Variants in ZNF541 observed in about 807,000 individuals in gnomAD.
ZNF541 encodes zinc finger protein 541.
ZNF541 carries 23 observed loss-of-function variants against 123.5 expected under a neutral mutation model. That is an observed-to-expected ratio of 0.19 (90% CI 0.13 to 0.26). The LOEUF (loss-of-function observed/expected upper bound fraction) is 0.26. Among genes scored for constraint, ZNF541 ranks in the 10% least tolerant of loss-of-function variants. The pLI is 1.00. For missense variants in ZNF541, 1,612 were observed against 1,789.9 expected, an observed-to-expected ratio of 0.90 and a Z score of 1.79; for synonymous variants, 751 against 754.5, an observed-to-expected ratio of 1.00 and a Z score of 0.08.
At position 47,532,842 on chromosome 19, in the gene ZNF541, T is replaced by C. The variant is rs528513135; in HGVS notation, c.3158+67A>G. The C allele has an allele frequency of 8.5e-5, 126 of 1,490,388 alleles. No individual in the cohort carries two copies. In the Admixed American group the frequency reaches 9.9e-4, roughly 12 times the overall value. The allele number at this position is 1,490,388 out of a possible 1,614,324, so 92.3% of individuals were successfully genotyped here. On this transcript the variant is annotated intron_variant, in intron 10 of 16. Transcript: ENST00000391901. ...ACCCCACCATGGGAAGAAGGAACCCTTGGGAAAAGTGACACTAGAACTCAA... is the reference window on the plus strand; with the variant it reads ...ACCCCACCATGGGAAGAAGGAACCCCTGGGAAAAGTGACACTAGAACTCAA...
At chr19:47,547,893 A>T (rs1032905766) in intron 4 of ZNF541, among the ~76,000 whole-genome samples, 1 of 151,856 alleles carries the variant, frequency 6.6e-6, no homozygotes, top group Non-Finnish European at 1.5e-5. Context: ...TACAAAAATT[A>T]GCCAGGCATG....
At position 47,521,935 on chromosome 19, in the gene ZNF541, G is replaced by C. The variant is rs1157737465; in HGVS notation, c.3630C>G (p.Ile1210Met). The change falls in exon 15 of 17, where the codon ATC becomes ATG. Residue 1210 changes from isoleucine (I) to methionine (M), a missense_variant. Coordinates refer to ENST00000391901, the MANE Select transcript of ZNF541 (RefSeq NM_001277075.3). The surrounding 1 kb of genome is among the most constrained non-coding windows in gnomAD (Gnocchi z 4.2). Reference sequence around the variant, plus strand: ...CTGGGGCTCGGCCACAGTCAAACTTGATCATTTTTTTCCAGATGTAATAAT... The same window carrying C: ...CTGGGGCTCGGCCACAGTCAAACTTCATCATTTTTTTCCAGATGTAATAAT... Reference protein sequence around the residue: ...VEYYYIWKKMIKFDCGRAPGL... With the variant: ...VEYYYIWKKMMKFDCGRAPGL... 2.6e-6 allele frequency: 4 copies of C among 1,551,730 alleles called. No homozygotes were observed. The Admixed American group carries it at 7.8e-5, about 30-fold the overall frequency.
chr19:47,551,644 T>C (rs547759282), intron 3 of ZNF541, among the ~76,000 whole-genome samples: 7 of 152,118 alleles, frequency 4.6e-5, no homozygotes, highest in Admixed American at 1.3e-4. Flanking sequence ...TCTCAAGTGA[T>C]CCTCCCACCT....
Position 47,529,648 on chromosome 19 carries a change from G to A in ZNF541, c.3410C>T (p.Ala1137Val). 1 of 1,551,620 alleles carries A rather than the reference G, an allele frequency of 6.4e-7. No individual in the cohort carries two copies. Among genetic ancestry groups the A allele is most frequent in the Non-Finnish European group, 8.7e-7 (1 of 1,146,948 alleles). The change falls in exon 13 of 17, where the codon GCC (alanine) becomes GTC (valine). Residue 1137 changes from alanine (A) to valine (V), a missense_variant. Transcript: ENST00000391901. ...LHEAQGNVQV[A>V]LETLLLRGPH... ...CCCTCGGAGCAGAAGAGTCTCCAGGGCGACCTGGAACAAGAGGAGCGACAG... is the reference window on the plus strand; with the variant it reads ...CCCTCGGAGCAGAAGAGTCTCCAGGACGACCTGGAACAAGAGGAGCGACAG...
intron 7 of ZNF541, 123 bp from the exon 8 acceptor site, chr19:47,540,001 G>C: frequency 6.9e-7 from 1 of 1,448,722 alleles, no homozygotes; most frequent in Non-Finnish European, 9.1e-7. Flanking sequence ...GACCAAGCTG[G>C]AGAGCTGCTG....
chr19:47,537,971 TAG>T (rs960266972), intron 9 of ZNF541, among the ~76,000 whole-genome samples, 169 bp downstream of exon 9: 5 of 152,188 alleles, frequency 3.3e-5, no homozygotes, highest in African/African-American at 1.2e-4. Flanking sequence ...TTCTATGCAC[TAG>T]AAGGCACTTA....
chr19:47,560,927 C>T lies in ZNF541; in HGVS notation c.-98-4973G>A, dbSNP rs532902390. Among the ~76,000 whole-genome samples, 7 of 152,162 alleles carry T rather than the reference C, an allele frequency of 4.6e-5. No individual in the cohort carries two copies. In the South Asian group the frequency reaches 1.2e-3, roughly 27 times the overall value. Reference sequence around the variant, plus strand: ...CAAACCACACAATGACATGGAGGAACCTTAAATGCACATTGCTAAGTGAAG... The same window carrying T: ...CAAACCACACAATGACATGGAGGAATCTTAAATGCACATTGCTAAGTGAAG... On this transcript the variant is annotated intron_variant, in intron 2 of 16. Coordinates refer to ENST00000391901, the MANE Select transcript of ZNF541 (RefSeq NM_001277075.3).
intron 4 of ZNF541, among the ~76,000 whole-genome samples, chr19:47,548,454 A>G (rs982815992): frequency 1.4e-5 from 2 of 139,012 alleles, no homozygotes; most frequent in Admixed American, 6.8e-5. Flanking sequence ...AAAAAAAAAA[A>G]AAAAAAAGAA....
chr19:47,524,522 A>G (rs903371590), intron 14 of ZNF541, among the ~76,000 whole-genome samples: 12 of 152,216 alleles, frequency 7.9e-5, no homozygotes, highest in African/African-American at 2.4e-4. Flanking sequence ...CCTGGCCAAC[A>G]TGGGGAAACC....
At chr19:47,528,835 G>A in intron 14 of ZNF541, 115 bp downstream of exon 14, 1 of 721,288 alleles carries the variant, frequency 1.4e-6, no homozygotes, top group Non-Finnish European at 2.4e-6. Flanking sequence ...TACAGTAAGA[G>A]TGCTGCCACA....
At position 47,538,256 on chromosome 19, in the gene ZNF541, A is replaced by G; in HGVS notation, c.2980T>C (p.Tyr994His). 2 of 1,551,516 alleles carry G rather than the reference A, an allele frequency of 1.3e-6. No individual in the cohort carries two copies. The highest frequency in any genetic ancestry group is 1.7e-6 in the Non-Finnish European group (2 of 1,146,892). Reference protein sequence around the residue: ...LLKGLFQCSPYTPPPMLSPIR... With the variant: ...LLKGLFQCSPHTPPPMLSPIR... ...GGGCTGAGCATTGGGGGTGGTGTGTAGGGGGAGCACTGGAATAAGCCCTTC... is the reference window on the plus strand; with the variant it reads ...GGGCTGAGCATTGGGGGTGGTGTGTGGGGGGAGCACTGGAATAAGCCCTTC... The change falls in exon 9 of 17, where the codon TAC becomes CAC. Residue 994 changes from tyrosine (Y) to histidine (H), a missense_variant. By Grantham distance (83) the Tyr-to-His change is moderately conservative. Transcript: ENST00000391901.
Position 47,545,694 on chromosome 19 carries a change from C to A in ZNF541, c.835G>T (p.Val279Leu), listed in dbSNP as rs943071635. 3 of 1,548,014 alleles carry A rather than the reference C, an allele frequency of 1.9e-6. No individual in the cohort carries two copies. Among genetic ancestry groups the A allele is most frequent in the Non-Finnish European group, 2.6e-6 (3 of 1,146,764 alleles). The change falls in exon 5 of 17, where the codon GTG becomes TTG. Residue 279 changes from valine (V) to leucine (L), a missense_variant. Coordinates refer to ENST00000391901, the MANE Select transcript of ZNF541 (RefSeq NM_001277075.3). This position sits in a 1 kb window ranked among gnomAD's most constrained non-coding sequence, Gnocchi z 7.5. ...LPHRDLLRRI[V>L]SSIVHQKTPS... ...GTCTTCTGGTGGACGATGCTACTCA[C>A]GATGCGGCGCAGGAGGTCCCGGTGG...
chr19:47,528,196 TC>T (rs1193571064), intron 14 of ZNF541, among the ~76,000 whole-genome samples: 9 of 141,224 alleles, frequency 6.4e-5, no homozygotes, highest in Non-Finnish European at 1.1e-4. Flanking sequence ...ATGCCTGTAA[TC>T]CCAGCTACTC....
Position 47,545,706 on chromosome 19 carries a change from G to A in ZNF541, c.823C>T (p.Leu275=). The A allele has an allele frequency of 6.5e-7, 1 of 1,547,530 alleles. No individual in the cohort carries two copies. The highest frequency in any genetic ancestry group is 8.7e-7 in the Non-Finnish European group (1 of 1,146,782). The change falls in exon 5 of 17, where the codon CTG becomes TTG. Residue 275 remains leucine (L), a synonymous_variant. Transcript: ENST00000391901. The surrounding 1 kb of genome is among the most constrained non-coding windows in gnomAD (Gnocchi z 7.5). ...ACGATGCTACTCACGATGCGGCGCA[G>A]GAGGTCCCGGTGGGGCAGGAGGGAG... ...PGSLLPHRDL[L]RRIVSSIVHQ...
chr19:47,541,015 A>G, intron 5 of ZNF541, 64 bp from the exon 6 acceptor site: 1 of 1,460,260 alleles, frequency 6.8e-7, no homozygotes, highest in Non-Finnish European at 9.3e-7. Context: ...AGCTCAAATT[A>G]CAGACTTTTA....
intron 3 of ZNF541, among the ~76,000 whole-genome samples, chr19:47,554,433 A>C (rs570450238): frequency 6.6e-6 from 1 of 152,338 alleles, no homozygotes; most frequent in Non-Finnish European, 1.5e-5. Flanking sequence ...TCCGTCTCAA[A>C]AAAAAAGAAA....
At chr19:47,542,007 A>G (rs1970099243) in intron 5 of ZNF541, among the ~76,000 whole-genome samples, 1 of 152,240 alleles carries the variant, frequency 6.6e-6, no homozygotes, top group Admixed American at 6.5e-5. Context: ...GAACAGACAA[A>G]TAAAACGCGG....
rs141573353 is a variant in ZNF541, at chr19:47,568,414, G to A, written c.-99+3482C>T. 2.6e-3 allele frequency among the ~76,000 whole-genome samples: 388 copies of A among 152,086 alleles called. 4 individuals are homozygous for A. Among genetic ancestry groups the A allele is most frequent in the African/African-American group, 8.2e-3 (342 of 41,466 alleles). On this transcript the variant is annotated intron_variant, in intron 2 of 16. Transcript: ENST00000391901. ...GACTGGAGTGCAGTGGCGTGATCTC[G>A]GCTCACTGAACCTCCACCTCGCGGA...
At chr19:47,528,124 G>C (rs1969388835) in intron 14 of ZNF541, among the ~76,000 whole-genome samples, 1 of 139,342 alleles carries the variant, frequency 7.2e-6, no homozygotes, top group South Asian at 2.6e-4. Context: ...AGACTAGCCT[G>C]ACCAACATGG....
Sources: allele counts gnomAD v4.1 joint callset (sites outside exome capture counted in the v4.1 genomes callset), GRCh38; gene constraint gnomAD v4.1.1; non-coding constraint Gnocchi (gnomAD v3.1); transcripts MANE v1.5; gene names NCBI Gene and HGNC (gene_info 2026-07-23, HGNC 2026-07-21).